The following SAMMSON variants were observed in gnomAD, a reference collection of about 807,000 sequenced individuals.
SAMMSON encodes the protein survival associated mitochondrial melanoma specific oncogenic non-coding RNA, also known as long intergenic non-protein coding RNA 1212.
At chr3:70,352,490 A>C (rs1457103878) in intron 7 of SAMMSON, among the ~76,000 whole-genome samples, 3 of 152,146 alleles carry the variant, frequency 2.0e-5, no homozygotes, top group Non-Finnish European at 4.4e-5. Flanking sequence ...TCACCAGAAC[A>C]CTAATCCTAA....
chr3:70,349,381 A>T (rs781359195), intron 7 of SAMMSON, among the ~76,000 whole-genome samples: 2 of 152,126 alleles, frequency 1.3e-5, no homozygotes, highest in Non-Finnish European at 2.9e-5. Context: ...CTTAAAAAAA[A>T]AATAAAATAA....
chr3:70,030,658 T>C (rs1476595334), intron 3 of SAMMSON: 2 of 152,176 alleles, frequency 1.3e-5, no homozygotes, highest in Non-Finnish European at 2.9e-5. Flanking sequence ...ATTTTAAGCA[T>C]GTGTTTGTCT....
chr3:70,388,266 T>C (rs1314072333), intron 9 of SAMMSON, among the ~76,000 whole-genome samples: 1 of 152,156 alleles, frequency 6.6e-6, no homozygotes, highest in Non-Finnish European at 1.5e-5. Flanking sequence ...ATAGGCTCCT[T>C]GGTCTATGTA....
Position 70,281,889 on chromosome 3 carries a change from C to A in SAMMSON, n.675-9290C>A, listed in dbSNP as rs150732676. Among the ~76,000 whole-genome samples, 235 of 152,200 alleles carry A rather than the reference C, an allele frequency of 1.5e-3. 4 individuals carry two copies. Among genetic ancestry groups the A allele is most frequent in the Middle Eastern group, 6.8e-3 (2 of 294 alleles). On this transcript the variant is annotated intron_variant and non_coding_transcript_variant, in intron 6 of 9. Coordinates refer to ENST00000642114, the Ensembl canonical transcript of SAMMSON. ...AGTTCATCATACCTTGGGTGAGGCC[C>A]ATGAAATCTTCAGTTTTAAAAAGCA...
chr3:70,316,820 A>G (rs1242531256), intron 7 of SAMMSON, among the ~76,000 whole-genome samples: 1 of 152,110 alleles, frequency 6.6e-6, no homozygotes, highest in Admixed American at 6.6e-5. Flanking sequence ...ATGAAAAATA[A>G]CACTCAGTGT....
At chr3:70,345,737 T>A (rs1702745334) in intron 7 of SAMMSON, among the ~76,000 whole-genome samples, 1 of 147,818 alleles carries the variant, frequency 6.8e-6, no homozygotes, top group African/African-American at 2.5e-5. Context: ...ATTGGAATCA[T>A]ATAGTATGTA....
intron 4 of SAMMSON, among the ~76,000 whole-genome samples, chr3:70,186,176 G>C (rs535617125): frequency 7.9e-5 from 12 of 151,900 alleles, no homozygotes; most frequent in African/African-American, 2.7e-4. Flanking sequence ...GACTTATTAA[G>C]TTTTCTTTAC....
intron 4 of SAMMSON, chr3:70,204,995 G>A (rs1203374947): frequency 6.6e-6 from 1 of 152,018 alleles, no homozygotes; most frequent in Non-Finnish European, 1.5e-5. Flanking sequence ...CTGTTTTCTT[G>A]ACTGGCATTA....
chr3:70,229,164 T>G (rs1001959282), intron 4 of SAMMSON, among the ~76,000 whole-genome samples: 1 of 152,174 alleles, frequency 6.6e-6, no homozygotes, highest in African/African-American at 2.4e-5. Context: ...TTTACCACAA[T>G]TTTTAGTTAT....
chr3:70,308,335 G>A (rs1702422532), intron 7 of SAMMSON, among the ~76,000 whole-genome samples: 1 of 151,948 alleles, frequency 6.6e-6, no homozygotes, highest in Admixed American at 6.6e-5. Context: ...GAGATTATAG[G>A]CATGAGTCAC....
chr3:70,210,439 A>G (rs1701332067), intron 4 of SAMMSON, among the ~76,000 whole-genome samples: 2 of 152,130 alleles, frequency 1.3e-5, no homozygotes, highest in African/African-American at 4.8e-5. Context: ...GAATTCTGAC[A>G]TCTGAAGTGA....
chr3:70,221,328 C>G (rs1333350053), intron 4 of SAMMSON, among the ~76,000 whole-genome samples: 1 of 151,992 alleles, frequency 6.6e-6, no homozygotes. Flanking sequence ...TCACAAAAAC[C>G]CAATGCGGAA....
intron 4 of SAMMSON, among the ~76,000 whole-genome samples, chr3:70,190,587 G>A (rs1057178704): frequency 1.5e-4 from 23 of 152,134 alleles, no homozygotes; most frequent in African/African-American, 4.6e-4. Context: ...ATTCAAGTAC[G>A]TTTGGTTACA....
intron 4 of SAMMSON, among the ~76,000 whole-genome samples, chr3:70,225,507 A>G (rs144686440): frequency 6.6e-6 from 1 of 152,266 alleles, no homozygotes; most frequent in East Asian, 1.9e-4. Context: ...GCAAATTTCT[A>G]TTATTCTAGT....
intron 4 of SAMMSON, among the ~76,000 whole-genome samples, chr3:70,148,085 C>G (rs924626908): frequency 6.6e-6 from 1 of 152,000 alleles, no homozygotes; most frequent in Non-Finnish European, 1.5e-5. Context: ...AGATCAGATG[C>G]CACTATACAT....
At chr3:70,023,975 C>T (rs574229201) in intron 3 of SAMMSON, among the ~76,000 whole-genome samples, 1 of 152,006 alleles carries the variant, frequency 6.6e-6, no homozygotes, top group South Asian at 2.1e-4. Flanking sequence ...TCCAGCTGAC[C>T]TTATCAGGCT....
chr3:70,430,116 C>A (rs9820605), intron 2 of SAMMSON, among the ~76,000 whole-genome samples: 25,242 of 152,064 alleles, frequency 0.17, 2,238 homozygotes, highest in Non-Finnish European at 0.19. Flanking sequence ...TCATAAATAT[C>A]TCTTGTTATT....
Position 70,252,807 on chromosome 3 carries a change from C to T in SAMMSON, n.674+3137C>T, listed in dbSNP as rs192859575. Reference sequence around the variant, plus strand: ...AGAAAATCAAAAAGAAGGCCAGGCGCGGTGGCTCATGCCTGTAATCCCAGC... The same window carrying T: ...AGAAAATCAAAAAGAAGGCCAGGCGTGGTGGCTCATGCCTGTAATCCCAGC... On this transcript the variant is annotated intron_variant and non_coding_transcript_variant, in intron 6 of 9. Coordinates refer to ENST00000642114, the Ensembl canonical transcript of SAMMSON. 5.1e-3 allele frequency among the ~76,000 whole-genome samples: 775 copies of T among 152,202 alleles called. 2 individuals carry two copies. The highest frequency in any genetic ancestry group is 0.017 in the African/African-American group (722 of 41,526).
intron 3 of SAMMSON, among the ~76,000 whole-genome samples, chr3:70,023,460 CAAAAAA>C (rs34244262): frequency 1.5e-5 from 2 of 132,082 alleles, no homozygotes; most frequent in African/African-American, 5.7e-5. Context: ...GACTCTGTCT[CAAAAAA>C]AAAAAAAGTT....
Sources: allele counts gnomAD v4.1 joint callset (sites outside exome capture counted in the v4.1 genomes callset), GRCh38; gene constraint gnomAD v4.1.1; transcripts MANE v1.5; gene names NCBI Gene and HGNC (gene_info 2026-07-23, HGNC 2026-07-21).